HIRA: variants seen among roughly 807,000 people sequenced by gnomAD.
The protein encoded by HIRA is protein HIRA.
In HIRA, 13 loss-of-function variants were observed where a neutral mutation model predicts 126.6. The ratio of observed to expected loss-of-function variants is 0.10; its 90% CI spans 0.07 to 0.16. HIRA has a LOEUF of 0.16. Ranked by LOEUF, HIRA falls within the 10% of genes least tolerant of loss-of-function variation. The probability of loss-of-function intolerance (pLI) is 1.00; values close to 1 mark genes in which losing one functional copy is unlikely to be tolerated. For synonymous variants in HIRA, 511 were observed against 520.0 expected (o/e 0.98, Z 0.24); for missense variants, 834 against 1,314.4 (o/e 0.63, Z 5.65).
chr22:19,410,787 A>G lies in HIRA; in HGVS notation c.38-9T>C, dbSNP rs1569310860. On this transcript the variant is annotated splice_polypyrimidine_tract_variant and intron_variant, in intron 1 of 24. Transcript: ENST00000263208. ...TGAAAAAATCGGCTTGCCTGGAAAC[A>G]AAGAAAAAAAAATACAGTATCTAAA... The G allele has an allele frequency of 1.2e-6, 2 of 1,610,844 alleles. No homozygotes were observed. Among genetic ancestry groups the G allele is most frequent in the Admixed American group, 1.7e-5 (1 of 59,884 alleles).
intron 11 of HIRA, 92 bp downstream of exon 11, chr22:19,387,619 C>G (rs2089138544): frequency 4.9e-6 from 4 of 817,360 alleles, no homozygotes; most frequent in Middle Eastern, 4.6e-4. Context: ...GTCTGTGTAT[C>G]TCACAAGAAG....
At chr22:19,383,762 T>C in intron 12 of HIRA, 57 bp from the exon 13 acceptor site, 1 of 1,321,150 alleles carries the variant, frequency 7.6e-7, no homozygotes. Context: ...TATTTCCAAA[T>C]ATTAAAAAAT....
chr22:19,422,663 C>T (rs1269694165), intron 1 of HIRA, among the ~76,000 whole-genome samples: 2 of 152,180 alleles, frequency 1.3e-5, no homozygotes, highest in Non-Finnish European at 2.9e-5. Context: ...TTCTTTCTGC[C>T]TGGAATGCTC....
chr22:19,392,058 A>G (rs764741661), intron 9 of HIRA, 43 bp downstream of exon 9: 1 of 1,196,396 alleles, frequency 8.4e-7, no homozygotes, highest in Non-Finnish European at 1.2e-6. Context: ...TTACCAACCT[A>G]CACCTCCCGT....
intron 15 of HIRA, among the ~76,000 whole-genome samples, chr22:19,370,090 T>G (rs2088951544): frequency 1.3e-5 from 2 of 152,182 alleles, no homozygotes; most frequent in South Asian, 4.2e-4. Flanking sequence ...TTCTCCTGCC[T>G]CAGCCTCTCG....
intron 24 of HIRA, among the ~76,000 whole-genome samples, chr22:19,348,647 C>T (rs930199266): frequency 6.6e-6 from 1 of 151,984 alleles, no homozygotes; most frequent in Non-Finnish European, 1.5e-5. Context: ...AGGTGCCCGC[C>T]ACCATGCCTG....
In HIRA at chr22:19,346,059, C is replaced by T. The variant is rs117252562; in HGVS notation, c.2937+5299G>A. 4.4e-3 allele frequency among the ~76,000 whole-genome samples: 676 copies of T among 152,352 alleles called. 2 individuals are homozygous for T. The highest frequency in any genetic ancestry group is 7.6e-3 in the Non-Finnish European group (517 of 68,030). On this transcript the variant is annotated intron_variant, in intron 24 of 24. Transcript: ENST00000263208. ...ATAGATAGTTCAAAAAAGGGAAACACAAGCGGCTCTTAAGCATGTGAAATG... is the reference window on the plus strand; with the variant it reads ...ATAGATAGTTCAAAAAAGGGAAACATAAGCGGCTCTTAAGCATGTGAAATG...
intron 15 of HIRA, among the ~76,000 whole-genome samples, chr22:19,368,893 C>T (rs2088939170): frequency 6.6e-6 from 1 of 152,136 alleles, no homozygotes; most frequent in East Asian, 1.9e-4. Context: ...CCCTGAGAGC[C>T]CTTAGGAGTC....
intron 1 of HIRA, among the ~76,000 whole-genome samples, chr22:19,430,870 C>T (rs1481578894): frequency 2.0e-5 from 3 of 152,196 alleles, no homozygotes; most frequent in Non-Finnish European, 2.9e-5. Flanking sequence ...TCTGCCCAAC[C>T]CTAGTTCACC....
chr22:19,377,838 G>A (rs561919247), intron 14 of HIRA, 31 bp downstream of exon 14: 1 of 1,533,348 alleles, frequency 6.5e-7, no homozygotes, highest in South Asian at 1.2e-5. Flanking sequence ...ACTTTCCCCA[G>A]GGACAGGAAC....
At chr22:19,366,360 T>TCAAAAAAA (rs1228561725) in intron 15 of HIRA, among the ~76,000 whole-genome samples, 1 of 152,200 alleles carries the variant, frequency 6.6e-6, no homozygotes, top group Non-Finnish European at 1.5e-5. Context: ...AGACTCCGTC[T>TCAAAAAAA]CAAAAAAACA....
At chr22:19,368,207 A>C (rs1294372845) in intron 15 of HIRA, among the ~76,000 whole-genome samples, 1 of 152,166 alleles carries the variant, frequency 6.6e-6, no homozygotes, top group Non-Finnish European at 1.5e-5. Flanking sequence ...GGGTCAAAGA[A>C]ATGTGGGCAG....
At chr22:19,418,641 TA>T (rs1414112106) in intron 1 of HIRA, among the ~76,000 whole-genome samples, 2 of 151,688 alleles carry the variant, frequency 1.3e-5, no homozygotes, top group Non-Finnish European at 2.9e-5. Flanking sequence ...AAAATAAAAA[TA>T]AAAAATATAT....
At chr22:19,384,922 G>A (rs1412107658) in intron 12 of HIRA, among the ~76,000 whole-genome samples, 3 of 152,018 alleles carry the variant, frequency 2.0e-5, no homozygotes, top group African/African-American at 7.3e-5. Context: ...CCAAAGTGCT[G>A]GGATTACAGG....
intron 7 of HIRA, 69 bp downstream of exon 7, chr22:19,396,718 T>C (rs1286831343): frequency 6.5e-7 from 1 of 1,540,060 alleles, no homozygotes; most frequent in Non-Finnish European, 8.9e-7. Flanking sequence ...GCTCCCTCTC[T>C]GTACACAGAA....
chr22:19,412,986 T>C (rs1243459803), intron 1 of HIRA, among the ~76,000 whole-genome samples: 2 of 152,002 alleles, frequency 1.3e-5, no homozygotes, highest in South Asian at 2.1e-4. Context: ...AATAACTGAA[T>C]TGGGTCCCAA....
intron 8 of HIRA, 38 bp from the exon 9 acceptor site, chr22:19,392,252 A>G (rs765154089): frequency 1.5e-6 from 2 of 1,326,080 alleles, no homozygotes; most frequent in Non-Finnish European, 2.2e-6. Context: ...TAATTAATCA[A>G]GCATCAGGCA....
At chr22:19,375,820 CA>C in intron 14 of HIRA, 28 bp from the exon 15 acceptor site, 1 of 1,612,168 alleles carries the variant, frequency 6.2e-7, no homozygotes, top group Non-Finnish European at 8.5e-7. Flanking sequence ...GGAGGCATGT[CA>C]AGCGCAATCC....
chr22:19,431,525 G>C lies in HIRA; in HGVS notation c.-49C>G, dbSNP rs369523337. ...GCTGAGGCGAGCGCCGGGTCCCTCA[G>C]CGCGCCCGGGCCATGGAGCCACCGC... On this transcript the variant is annotated 5_prime_UTR_variant, in exon 1 of 25. Transcript: ENST00000263208. The C allele has an allele frequency of 3.4e-6, 5 of 1,486,938 alleles. No homozygotes were observed. The East Asian group carries it at 1.1e-4, about 33-fold the overall frequency. 92.1% of individuals were successfully genotyped at this position (1,486,938 alleles called of 1,614,324 possible). A position where few individuals can be genotyped will look rare whatever the true frequency, so the allele number is the denominator to read the frequency against.
Sources: gnomAD v4.1 joint callset for allele counts (sites outside exome capture counted in the v4.1 genomes callset) on GRCh38, gnomAD v4.1.1 for gene constraint, MANE v1.5 for transcripts, NCBI Gene and HGNC (gene_info 2026-07-23, HGNC 2026-07-21) for gene names.